SCFD2: variants seen among roughly 807,000 people sequenced by gnomAD.
SCFD2 encodes the protein sec1 family domain containing 2.
A neutral mutation model predicts 58.9 loss-of-function variants in SCFD2; 54 were observed. The observed-to-expected ratio is 0.92, with a 90% CI of 0.74 to 1.15. The LOEUF is 1.15. Ranked by LOEUF, SCFD2 falls within the 50% of genes most tolerant of loss-of-function variation. SCFD2 has a pLI of 0.00. For synonymous variants in SCFD2, 321 were observed against 335.9 expected (o/e 0.96, Z 0.49); for missense variants, 805 against 836.6 (o/e 0.96, Z 0.47).
intron 3 of SCFD2, among the ~76,000 whole-genome samples, chr4:53,286,214 C>T (rs111401679): frequency 3.9e-4 from 60 of 152,274 alleles, no homozygotes; most frequent in African/African-American, 1.4e-3. Context: ...TTCCAGGCTA[C>T]TAAGAGCTTA....
chr4:53,249,069 C>G (rs891555803), intron 4 of SCFD2, among the ~76,000 whole-genome samples: 28 of 152,084 alleles, frequency 1.8e-4, no homozygotes, highest in African/African-American at 6.8e-4. Context: ...AAAATTTAGA[C>G]GATTGTATTA....
At chr4:53,079,686 T>A (rs1470482730) in intron 5 of SCFD2, among the ~76,000 whole-genome samples, 2 of 152,194 alleles carry the variant, frequency 1.3e-5, no homozygotes, top group Non-Finnish European at 2.9e-5. Context: ...CACCCAATAA[T>A]TACCATTATA....
Position 53,214,186 on chromosome 4 carries a change from A to G in SCFD2, c.1311+59640T>C, listed in dbSNP as rs373674455. Among the ~76,000 whole-genome samples, 95 of 152,190 alleles carry G rather than the reference A, an allele frequency of 6.2e-4. 1 individual carries two copies. The highest frequency in any genetic ancestry group is 2.1e-3 in the African/African-American group (89 of 41,492). Reference sequence around the variant, plus strand: ...GTATATACCCAGTAATGGGATGGCTAGGTCAAATGGTATTTCTAGTTCCAG... The same window carrying G: ...GTATATACCCAGTAATGGGATGGCTGGGTCAAATGGTATTTCTAGTTCCAG... On this transcript the variant is annotated intron_variant, in intron 4 of 8. Transcript: ENST00000401642.
At chr4:53,346,308 CTT>C (rs1311354766) in intron 2 of SCFD2, among the ~76,000 whole-genome samples, 13 of 137,622 alleles carry the variant, frequency 9.4e-5, no homozygotes, top group Admixed American at 7.7e-4. Flanking sequence ...GAGTTTCACT[CTT>C]GTTGCCCAGG....
intron 5 of SCFD2, among the ~76,000 whole-genome samples, chr4:53,027,291 C>T (rs760845473): frequency 6.6e-6 from 1 of 151,920 alleles, no homozygotes; most frequent in Non-Finnish European, 1.5e-5. Flanking sequence ...GATGCACCTT[C>T]AGGAAAGAAC....
intron 5 of SCFD2, among the ~76,000 whole-genome samples, chr4:53,046,911 AT>A (rs1723055654): frequency 6.6e-6 from 1 of 152,158 alleles, no homozygotes; most frequent in Non-Finnish European, 1.5e-5. Context: ...ACCTCAGGTG[AT>A]CCACCTGCAT....
At chr4:53,138,869 C>A (rs1159476894) in intron 5 of SCFD2, among the ~76,000 whole-genome samples, 1 of 150,100 alleles carries the variant, frequency 6.7e-6, no homozygotes, top group African/African-American at 2.5e-5. Flanking sequence ...CCTCCCCCTC[C>A]CCCTCCCTCT....
intron 5 of SCFD2, among the ~76,000 whole-genome samples, chr4:53,082,888 AT>A (rs1391647703): frequency 6.6e-6 from 1 of 152,122 alleles, no homozygotes; most frequent in Non-Finnish European, 1.5e-5. Flanking sequence ...ACTAGCTTTC[AT>A]GGGCCTCCAG....
At chr4:53,126,817 T>C (rs1379964420) in intron 5 of SCFD2, among the ~76,000 whole-genome samples, 1 of 152,136 alleles carries the variant, frequency 6.6e-6, no homozygotes, top group Non-Finnish European at 1.5e-5. Flanking sequence ...TCTTTCTCCC[T>C]GAGTTCCTCC....
At chr4:53,330,287 T>C (rs1024761420) in intron 2 of SCFD2, among the ~76,000 whole-genome samples, 3 of 151,490 alleles carry the variant, frequency 2.0e-5, no homozygotes, top group African/African-American at 7.3e-5. Flanking sequence ...CCAAGACACA[T>C]AATTGTCAGA....
chr4:52,974,401 G>C (rs1721195812), intron 5 of SCFD2, among the ~76,000 whole-genome samples: 1 of 152,156 alleles, frequency 6.6e-6, no homozygotes, highest in African/African-American at 2.4e-5. Context: ...GCCAAATCAT[G>C]AGTGAACTCC....
chr4:53,042,062 A>C (rs1167252144), intron 5 of SCFD2, among the ~76,000 whole-genome samples: 3 of 152,296 alleles, frequency 2.0e-5, no homozygotes, highest in South Asian at 2.1e-4. Context: ...AGGGACACAT[A>C]CACTTCTCTC....
At chr4:52,890,276 C>A (rs1310968571) in intron 7 of SCFD2, among the ~76,000 whole-genome samples, 1 of 152,088 alleles carries the variant, frequency 6.6e-6, no homozygotes, top group Non-Finnish European at 1.5e-5. Context: ...GATGTATTGA[C>A]AGATGAAAAG....
At chr4:53,310,073 G>T (rs138799457) in intron 3 of SCFD2, among the ~76,000 whole-genome samples, 1,938 of 152,264 alleles carry the variant, frequency 0.013, 50 homozygotes, top group Admixed American at 0.064. Flanking sequence ...TAAGAAAGTG[G>T]CAAAGTCTAG....
At chr4:53,219,784 C>T (rs1362669755) in intron 4 of SCFD2, among the ~76,000 whole-genome samples, 5 of 152,072 alleles carry the variant, frequency 3.3e-5, no homozygotes, top group East Asian at 1.9e-4. Context: ...GAACCGCCCC[C>T]GCAATATGGT....
intron 6 of SCFD2, among the ~76,000 whole-genome samples, chr4:52,914,917 A>G (rs559308196): frequency 1.3e-5 from 2 of 152,162 alleles, no homozygotes; most frequent in Non-Finnish European, 2.9e-5. Context: ...GCTGATACAC[A>G]TGGAATAGCT....
intron 4 of SCFD2, among the ~76,000 whole-genome samples, chr4:53,146,682 G>A (rs1726340616): frequency 6.6e-6 from 1 of 152,096 alleles, no homozygotes; most frequent in African/African-American, 2.4e-5. Context: ...CCATGGTTTT[G>A]CTTTCCATGG....
chr4:53,313,502 C>A, intron 3 of SCFD2, 134 bp downstream of exon 3: 1 of 938,442 alleles, frequency 1.1e-6, no homozygotes, highest in Non-Finnish European at 1.6e-6. Context: ...ATATTCCTTC[C>A]CTATTCTTTC....
intron 2 of SCFD2, among the ~76,000 whole-genome samples, chr4:53,328,733 G>C (rs1733304020): frequency 6.6e-6 from 1 of 152,124 alleles, no homozygotes; most frequent in African/African-American, 2.4e-5. Flanking sequence ...AGAAATATTG[G>C]GGGAGGAGCC....
Sources: allele counts gnomAD v4.1 joint callset (sites outside exome capture counted in the v4.1 genomes callset), GRCh38; gene constraint gnomAD v4.1.1; transcripts MANE v1.5; gene names NCBI Gene and HGNC (gene_info 2026-07-23, HGNC 2026-07-21).